Variants in NEK3 observed in about 807,000 individuals in gnomAD.
NEK3 encodes the protein NIMA related kinase 3.
NEK3 carries 54 observed loss-of-function variants against 66.0 expected under a neutral mutation model. The ratio of observed to expected loss-of-function variants is 0.82; its 90% confidence interval spans 0.66 to 1.03. The LOEUF is 1.03. Among genes scored for constraint, NEK3 ranks in the 50% least tolerant of loss-of-function variants. The probability of loss-of-function intolerance (pLI) is 0.00; values close to 1 mark genes in which losing one functional copy is unlikely to be tolerated. For synonymous variants in NEK3, 200 were observed against 206.2 expected (o/e 0.97, Z 0.26); for missense variants, 593 against 603.0 (o/e 0.98, Z 0.17).
intron 8 of NEK3, among the ~76,000 whole-genome samples, chr13:52,146,283 A>T (rs1208923051): frequency 6.6e-6 from 1 of 152,234 alleles, no homozygotes; most frequent in East Asian, 1.9e-4. Context: ...TTGTCCTATG[A>T]ATATAAAATG....
chr13:52,154,813 A>G (rs796278802), intron 2 of NEK3, among the ~76,000 whole-genome samples: 41 of 148,404 alleles, frequency 2.8e-4, no homozygotes, highest in African/African-American at 9.6e-4. Flanking sequence ...CTGGGACTAT[A>G]GATGTAGACT....
chr13:52,159,232 T>C (rs1956422826), intron 1 of NEK3: 1 of 152,204 alleles, frequency 6.6e-6, no homozygotes. Context: ...GAAGAATCCG[T>C]TGAGCCGGGG....
intron 10 of NEK3, 127 bp downstream of exon 10, chr13:52,143,788 G>C (rs1956270687): frequency 4.9e-6 from 3 of 609,206 alleles, no homozygotes; most frequent in Non-Finnish European, 8.6e-6. Context: ...GTAACAAAAA[G>C]AAAAGGTTCA....
intron 14 of NEK3, among the ~76,000 whole-genome samples, chr13:52,134,120 T>A (rs1368619695): frequency 1.3e-5 from 2 of 151,946 alleles, no homozygotes; most frequent in African/African-American, 4.8e-5. Flanking sequence ...AGCCTCGAAC[T>A]CCCAGGCTCA....
chr13:52,153,081 T>C (rs953999099), intron 4 of NEK3, among the ~76,000 whole-genome samples: 10 of 152,150 alleles, frequency 6.6e-5, no homozygotes, highest in African/African-American at 2.4e-4. Flanking sequence ...AGAATATCCA[T>C]ACGGTAACAT....
intron 8 of NEK3, among the ~76,000 whole-genome samples, chr13:52,147,287 A>C (rs1042291402): frequency 6.6e-6 from 1 of 151,948 alleles, no homozygotes; most frequent in Non-Finnish European, 1.5e-5. Flanking sequence ...AAACCTCAAA[A>C]TTTGGAATCA....
At chr13:52,143,810 T>G (rs1257498209) in intron 10 of NEK3, 105 bp downstream of exon 10, 12 of 659,104 alleles carry the variant, frequency 1.8e-5, no homozygotes, top group Admixed American at 6.0e-5. Context: ...TTGAGGAGTA[T>G]CTCCGATAAT....
chr13:52,151,784 A>G (rs1019322725), intron 5 of NEK3, among the ~76,000 whole-genome samples: 1 of 152,180 alleles, frequency 6.6e-6, no homozygotes, highest in Non-Finnish European at 1.5e-5. Flanking sequence ...GCATAACCAC[A>G]TTTCAGTCAA....
intron 1 of NEK3, among the ~76,000 whole-genome samples, chr13:52,158,920 G>A (rs772246791): frequency 4.6e-5 from 7 of 152,170 alleles, no homozygotes; most frequent in African/African-American, 1.7e-4. Flanking sequence ...TAGCACAGAG[G>A]CTAGGATAAC....
At chr13:52,158,940 G>T (rs1566865482) in intron 1 of NEK3, among the ~76,000 whole-genome samples, 1 of 152,160 alleles carries the variant, frequency 6.6e-6, no homozygotes, top group African/African-American at 2.4e-5. Context: ...CTGGGAGAGG[G>T]ATTTCGTGTA....
chr13:52,135,975 C>G, intron 13 of NEK3, 112 bp from the exon 14 acceptor site: 2 of 1,488,562 alleles, frequency 1.3e-6, no homozygotes, highest in African/African-American at 1.4e-5. Flanking sequence ...TAACTAAAAT[C>G]TGCTTCATTC....
chr13:52,159,788 G>A (rs1310250940), upstream of NEK3: 1 of 152,282 alleles, frequency 6.6e-6, no homozygotes, highest in Non-Finnish European at 1.5e-5. Context: ...CTGTCTGCAG[G>A]TTAAGTGAAA....
intron 7 of NEK3, among the ~76,000 whole-genome samples, chr13:52,150,415 C>T (rs138788019): frequency 1.3e-4 from 20 of 151,892 alleles, no homozygotes; most frequent in African/African-American, 2.2e-4. Flanking sequence ...TAATATAAAA[C>T]GACTAAAGTA....
chr13:52,133,173 C>T lies in NEK3; in HGVS notation c.1490G>A (p.Arg497Gln), dbSNP rs756770781. ...NPDWVSELKK[R>Q]AGWQGLCDR is the part of the protein sequence containing the mutation. The stretch of plus-strand genomic sequence containing the variant: ...GTCGCACAGGCCTTGCCATCCAGCT[C>T]GCTTCTTCAGCTCTGACACCCAGTC... The change falls in exon 16 of 16, where the codon CGA becomes CAA. Residue 497 changes from arginine (R) to glutamine (Q), a missense_variant. By Grantham distance (43) the Arg-to-Gln change is conservative. Transcript: ENST00000610828. 4.2e-5 allele frequency: 68 copies of T among 1,610,978 alleles called. No homozygotes were observed. The highest frequency in any genetic ancestry group is 1.6e-4 in the Middle Eastern group (1 of 6,082).
intron 8 of NEK3, among the ~76,000 whole-genome samples, chr13:52,146,181 T>A (rs1956294311): frequency 6.6e-6 from 1 of 152,188 alleles, no homozygotes; most frequent in South Asian, 2.1e-4. Flanking sequence ...CAGTGTGGGG[T>A]ATATAGAAGC....
chr13:52,137,140 C>G (rs570746554), intron 11 of NEK3, among the ~76,000 whole-genome samples: 7 of 151,858 alleles, frequency 4.6e-5, no homozygotes, highest in Non-Finnish European at 5.9e-5. Context: ...AATAGACATA[C>G]ACATTAATAG....
intron 10 of NEK3, among the ~76,000 whole-genome samples, chr13:52,143,633 C>T (rs534647891): frequency 6.6e-5 from 10 of 152,302 alleles, no homozygotes; most frequent in African/African-American, 2.4e-4. Context: ...AAGCCTTCTA[C>T]CTGACCTACA....
intron 8 of NEK3, among the ~76,000 whole-genome samples, 186 bp from the exon 9 acceptor site, chr13:52,145,077 T>C (rs1180633653): frequency 1.3e-5 from 2 of 152,170 alleles, no homozygotes; most frequent in Non-Finnish European, 2.9e-5. Flanking sequence ...TAAACATGAA[T>C]GATAAAAAGC....
rs578178964 is a variant in NEK3, at chr13:52,153,964, T to G, written c.240A>C (p.Glu80Asp). 3 of 1,613,046 alleles carry G rather than the reference T, an allele frequency of 1.9e-6. No individual in the cohort carries two copies. Among genetic ancestry groups the G allele is most frequent in the Admixed American group, 1.7e-5 (1 of 60,016 alleles). Residue 80 changes from glutamate to aspartate, a missense_variant, in exon 4 of 16, where the codon GAA becomes GAC. Physicochemically the swap from Glu to Asp is conservative, Grantham distance 45 (BLOSUM62 2). Coordinates refer to ENST00000610828, the MANE Select transcript of NEK3 (RefSeq NM_002498.3). ...EAEGHLYIVM[E>D]YCDGGDLMQK... ...GCATTAGATCCCCTCCATCACAGTA[T>G]TCCATCACAATATACAAGTGTCCTT...
Sources: allele counts gnomAD v4.1 joint callset (sites outside exome capture counted in the v4.1 genomes callset), GRCh38; gene constraint gnomAD v4.1.1; transcripts MANE v1.5; gene names NCBI Gene and HGNC (gene_info 2026-07-23, HGNC 2026-07-21).